Variants in PTPRD observed in about 807,000 individuals in gnomAD.
PTPRD encodes the protein receptor-type tyrosine-protein phosphatase delta.
In PTPRD, 34 loss-of-function variants were observed where a neutral mutation model predicts 214.5. The ratio of observed to expected loss-of-function variants is 0.16; its 90% CI spans 0.12 to 0.21. The LOEUF (loss-of-function observed/expected upper bound fraction) is 0.21, where lower values mean the gene tolerates loss of function less well. PTPRD is among the 10% of genes least tolerant of loss of function. PTPRD has a pLI of 1.00. For missense variants in PTPRD, 2,545 were observed against 2,398.7 expected, an observed-to-expected ratio of 1.06 and a Z score of -1.27; for synonymous variants, 1,128 against 845.7, an observed-to-expected ratio of 1.33 and a Z score of -5.79.
intron 8 of PTPRD, among the ~76,000 whole-genome samples, chr9:9,465,402 G>C (rs970594529): frequency 2.6e-5 from 4 of 152,150 alleles, no homozygotes; most frequent in African/African-American, 9.7e-5. Context: ...ATAAGGCTAA[G>C]AGCCAAAAAC....
At chr9:8,631,436 C>T (rs1255322661) in intron 14 of PTPRD, among the ~76,000 whole-genome samples, 1 of 151,754 alleles carries the variant, frequency 6.6e-6, no homozygotes, top group African/African-American at 2.4e-5. Context: ...TGCTTTAGAA[C>T]TGGTGTTCAT....
At chr9:8,752,550 C>G (rs1285195037) in intron 11 of PTPRD, among the ~76,000 whole-genome samples, 1 of 152,168 alleles carries the variant, frequency 6.6e-6, no homozygotes, top group African/African-American at 2.4e-5. Context: ...TCACTTTACT[C>G]TATGGACTCG....
At chr9:10,035,704 T>A (rs2097168070) in intron 3 of PTPRD, among the ~76,000 whole-genome samples, 1 of 152,006 alleles carries the variant, frequency 6.6e-6, no homozygotes, top group Non-Finnish European at 1.5e-5. Context: ...TCCAGACCAA[T>A]CTTACAGTCC....
At chr9:9,824,699 A>C (rs2052072789) in intron 5 of PTPRD, among the ~76,000 whole-genome samples, 1 of 152,046 alleles carries the variant, frequency 6.6e-6, no homozygotes, top group South Asian at 2.1e-4. Flanking sequence ...GGAATCAGAA[A>C]AACTGAAAAA....
chr9:9,111,910 C>A (rs577366449), intron 10 of PTPRD, among the ~76,000 whole-genome samples: 1 of 152,056 alleles, frequency 6.6e-6, no homozygotes, highest in African/African-American at 2.4e-5. Flanking sequence ...TCATTAAGGA[C>A]GACTGCTTCA....
At chr9:9,532,571 C>G (rs934238251) in intron 8 of PTPRD, among the ~76,000 whole-genome samples, 1 of 152,110 alleles carries the variant, frequency 6.6e-6, no homozygotes, top group Non-Finnish European at 1.5e-5. Flanking sequence ...TTTGAGAATT[C>G]AGGAAAGCTA....
At chr9:9,119,100 C>G (rs1255044044) in intron 10 of PTPRD, among the ~76,000 whole-genome samples, 1 of 152,136 alleles carries the variant, frequency 6.6e-6, no homozygotes, top group African/African-American at 2.4e-5. Context: ...AATATGCTAA[C>G]AAACTTGTAT....
chr9:9,491,955 G>T (rs62533224), intron 8 of PTPRD, among the ~76,000 whole-genome samples: 12,383 of 151,888 alleles, frequency 0.082, 588 homozygotes, highest in South Asian at 0.14. Flanking sequence ...AAACCAAAAG[G>T]TGATTCTTTA....
At chr9:10,273,332 T>A (rs2094518412) in intron 3 of PTPRD, among the ~76,000 whole-genome samples, 1 of 152,068 alleles carries the variant, frequency 6.6e-6, no homozygotes, top group Non-Finnish European at 1.5e-5. Context: ...ATTGAGTAAA[T>A]AAATGAAGGA....
At chr9:9,203,956 A>G (rs1485440021) in intron 9 of PTPRD, among the ~76,000 whole-genome samples, 1 of 152,208 alleles carries the variant, frequency 6.6e-6, no homozygotes, top group East Asian at 1.9e-4. Context: ...CTTAAAATTT[A>G]CAGTTTAGGT....
In PTPRD at chr9:8,747,709, T is replaced by C. The variant is rs141534895; in HGVS notation, c.-103-13763A>G. Reference sequence around the variant, plus strand: ...TGGCTAGCCACCGAAGAAGGAAAAATACTTTTGCCTGCAGCTAACCAATGG... The same window carrying C: ...TGGCTAGCCACCGAAGAAGGAAAAACACTTTTGCCTGCAGCTAACCAATGG... On this transcript the variant is annotated intron_variant, in intron 11 of 45. Transcript: ENST00000381196. Among the ~76,000 whole-genome samples the C allele has an allele frequency of 2.0e-3, 309 of 152,054 alleles. 2 individuals carry two copies. The highest frequency in any genetic ancestry group is 6.8e-3 in the Middle Eastern group (2 of 294).
In PTPRD at chr9:9,743,481, G is replaced by A. The variant is rs145268361; in HGVS notation, c.-325-8910C>T. 1.2e-3 allele frequency among the ~76,000 whole-genome samples: 188 copies of A among 152,174 alleles called. 1 individual carries two copies. Among genetic ancestry groups the A allele is most frequent in the African/African-American group, 4.2e-3 (174 of 41,520 alleles). On this transcript the variant is annotated intron_variant, in intron 6 of 45. Transcript: ENST00000381196. ...TATGAAGGCACCTAGGTCAGCGCTT[G>A]TACTCAAGTGAGGGCTTAATATTAG...
intron 11 of PTPRD, among the ~76,000 whole-genome samples, chr9:8,826,215 C>CATTATA (rs371981482): frequency 0.11 from 16,184 of 152,094 alleles, 949 homozygotes; most frequent in African/African-American, 0.14. Flanking sequence ...CTCATCCAGA[C>CATTATA]TACCTATAAT....
intron 2 of PTPRD, among the ~76,000 whole-genome samples, chr9:10,454,797 T>A (rs1056091123): frequency 1.3e-5 from 2 of 151,478 alleles, no homozygotes; most frequent in East Asian, 3.9e-4. Context: ...TTTTCTTTAA[T>A]TCTAAAAATG....
At chr9:8,837,096 G>A (rs1327773883) in intron 11 of PTPRD, among the ~76,000 whole-genome samples, 3 of 142,468 alleles carry the variant, frequency 2.1e-5, no homozygotes, top group Admixed American at 7.4e-5. Context: ...TACGATCTCC[G>A]CTCACTCCAA....
chr9:8,537,968 T>A (rs979952288), intron 14 of PTPRD, among the ~76,000 whole-genome samples: 2 of 152,014 alleles, frequency 1.3e-5, no homozygotes, highest in African/African-American at 4.8e-5. Flanking sequence ...CTTTTTGTGA[T>A]TCATAATCAA....
chr9:9,573,092 C>T (rs968926423), intron 8 of PTPRD, among the ~76,000 whole-genome samples: 5 of 151,632 alleles, frequency 3.3e-5, no homozygotes, highest in Non-Finnish European at 5.9e-5. Context: ...AGTCTGGAAG[C>T]TACTTAAGTT....
intron 3 of PTPRD, among the ~76,000 whole-genome samples, chr9:10,229,741 T>C (rs1012906014): frequency 6.6e-6 from 1 of 151,684 alleles, no homozygotes; most frequent in South Asian, 2.1e-4. Flanking sequence ...TCAGGAGATA[T>C]ACCTAATGCT....
At chr9:10,470,280 A>C (rs2131668126) in intron 2 of PTPRD, among the ~76,000 whole-genome samples, 1 of 152,210 alleles carries the variant, frequency 6.6e-6, no homozygotes, top group South Asian at 2.1e-4. Flanking sequence ...AAACAAAAAT[A>C]AAAAATAAAG....
Sources: allele counts gnomAD v4.1 joint callset (sites outside exome capture counted in the v4.1 genomes callset), GRCh38; gene constraint gnomAD v4.1.1; transcripts MANE v1.5; gene names NCBI Gene and HGNC (gene_info 2026-07-23, HGNC 2026-07-21).